Variants in SAMD11 observed in about 807,000 individuals in gnomAD.
The protein encoded by SAMD11 is sterile alpha motif domain containing 11, also known as sterile alpha motif domain-containing protein 11.
A neutral mutation model predicts 64.4 loss-of-function variants in SAMD11; 77 were observed. The ratio of observed to expected loss-of-function variants is 1.20; its 90% confidence interval spans 0.99 to 1.44. SAMD11 has a LOEUF of 1.44. Ranked by LOEUF, SAMD11 falls within the 40% of genes most tolerant of loss-of-function variation. The pLI, the probability that SAMD11 is intolerant of heterozygous loss-of-function variation, is 0.00. For missense variants in SAMD11, 1,402 were observed against 943.3 expected (o/e 1.49, Z -6.37); for synonymous variants, 658 against 421.9 (o/e 1.56, Z -6.86).
Position 944,372 on chromosome 1 carries a change from G to C in SAMD11, c.*219G>C. The C allele has an allele frequency of 7.4e-7, 1 of 1,358,466 alleles. No individual in the cohort carries two copies. The highest frequency in any genetic ancestry group is 2.7e-4 in the Middle Eastern group (1 of 3,722). 84.2% of individuals were successfully genotyped at this position (1,358,466 alleles called of 1,614,324 possible). A position where few individuals can be genotyped will look rare whatever the true frequency, so the allele number is the denominator to read the frequency against. On this transcript the variant is annotated 3_prime_UTR_variant, in exon 14 of 14. Coordinates refer to ENST00000616016, the MANE Select transcript of SAMD11 (RefSeq NM_001385641.1). ...GGACGAGGTCTGCAGACGGAGGGCA[G>C]AGGTGGTGGAAGGGGCCAGGGGCCT...
Position 927,904 on chromosome 1 carries a change from C to T in SAMD11, c.609+1891C>T, listed in dbSNP as rs188782610. ...GACCTGCCCTCCAGGTGCCTTGGGGCGTGGCTGGGGTGCCGGTGTGTCCCC... is the reference window on the plus strand; with the variant it reads ...GACCTGCCCTCCAGGTGCCTTGGGGTGTGGCTGGGGTGCCGGTGTGTCCCC... On this transcript the variant is annotated intron_variant, in intron 2 of 13. Coordinates refer to ENST00000616016, the MANE Select transcript of SAMD11 (RefSeq NM_001385641.1). Among the ~76,000 whole-genome samples, 16 of 152,374 alleles carry T rather than the reference C, an allele frequency of 1.1e-4. No homozygotes were observed. The East Asian group carries it at 1.4e-3, about 13-fold the overall frequency.
Position 944,094 on chromosome 1 carries a change from G to A in SAMD11, c.2476G>A (p.Glu826Lys), listed in dbSNP as rs1642001951. 2 of 1,612,194 alleles carry A rather than the reference G, an allele frequency of 1.2e-6. No individual in the cohort carries two copies. Among genetic ancestry groups the A allele is most frequent in the Non-Finnish European group, 8.5e-7 (1 of 1,179,720 alleles). ...TGCCGGTCAAACTTCACCCAAGCAG[G>A]AGAATGGGACCTTGGCTCTACTTCC... is the stretch of plus-strand genomic sequence containing the variant. Reference protein sequence around the residue: ...ALAGQTSPKQENGTLALLPGA... With the variant: ...ALAGQTSPKQKNGTLALLPGA... Residue 826 changes from glutamate (E) to lysine (K), a missense_variant, in exon 14 of 14, where the codon GAG (glutamate) becomes AAG (lysine). Coordinates refer to ENST00000616016, the MANE Select transcript of SAMD11 (RefSeq NM_001385641.1).
At position 942,831 on chromosome 1, in the gene SAMD11, A is replaced by G. The variant is rs1415006118; in HGVS notation, c.1826A>G (p.Glu609Gly). ...GPGPASARPSESKEMTGARLW... is the reference protein window; with the variant it reads ...GPGPASARPSGSKEMTGARLW... ...GGCCCTGCCTCAGCGCGGCCCAGCG[A>G]GTCCAAGGAGATGACGGGGGCTAGG... Residue 609 changes from glutamate to glycine, a missense_variant, in exon 11 of 14, where the codon GAG becomes GGG. Transcript: ENST00000616016. 2 of 1,550,440 alleles carry G rather than the reference A, an allele frequency of 1.3e-6. No homozygotes were observed. Among genetic ancestry groups the G allele is most frequent in the Admixed American group, 3.9e-5 (2 of 51,096 alleles).
At chr1:941,721 G>A (rs1003830058) in intron 8 of SAMD11, among the ~76,000 whole-genome samples, 6 of 152,148 alleles carry the variant, frequency 3.9e-5, no homozygotes, top group African/African-American at 7.2e-5. Flanking sequence ...TCCAGGACAC[G>A]AGGCGGGGCG....
At chr1:925,449 G>A (rs1205580137) in intron 1 of SAMD11, among the ~76,000 whole-genome samples, 2 of 151,818 alleles carry the variant, frequency 1.3e-5, no homozygotes, top group Non-Finnish European at 2.9e-5. Flanking sequence ...GCGACGCGGG[G>A]GCGCCTGAGC....
In SAMD11 at chr1:943,724, G is replaced by C. The variant is rs749587093; in HGVS notation, c.2205G>C (p.Gly735=). Residue 735 remains glycine, a synonymous_variant, in exon 13 of 14, where the codon GGG becomes GGC. Transcript: ENST00000616016. ...TCTTCAGGGAGCAGGGGATCGACGG[G>C]GAGACCCTGCCACTGCTGACGGAGG... The part of the protein sequence containing the change: ...TRVFREQGID[G]ETLPLLTEEH... 3.1e-6 allele frequency: 5 copies of C among 1,598,534 alleles called. No homozygotes were observed. Among genetic ancestry groups the C allele is most frequent in the Non-Finnish European group, 4.3e-6 (5 of 1,171,032 alleles).
At chr1:931,968 G>A (rs1360416511) in intron 4 of SAMD11, among the ~76,000 whole-genome samples, 2 of 152,202 alleles carry the variant, frequency 1.3e-5, no homozygotes, top group African/African-American at 4.8e-5. Flanking sequence ...GGAAGGAGGC[G>A]TCTGCCACAA....
chr1:944,142 C>A lies in SAMD11; in HGVS notation c.2524C>A (p.Pro842Thr), dbSNP rs1642005947. 1.9e-6 allele frequency: 3 copies of A among 1,571,906 alleles called. No individual in the cohort carries two copies. The highest frequency in any genetic ancestry group is 1.8e-5 in the Admixed American group (1 of 55,438). The change falls in exon 14 of 14, where the codon CCT (proline) becomes ACT (threonine). Residue 842 changes from proline to threonine, a missense_variant. Coordinates refer to ENST00000616016, the MANE Select transcript of SAMD11 (RefSeq NM_001385641.1). ...LLPGAPDPSQ[P>T]LC is the part of the protein sequence containing the mutation. ...TCCAGGGGCCCCCGACCCTTCCCAG[C>A]CTCTGTGTTGAGGTTGCCGGGGGTA...
At chr1:940,116 C>T (rs1382312929) in intron 7 of SAMD11, among the ~76,000 whole-genome samples, 1 of 152,180 alleles carries the variant, frequency 6.6e-6, no homozygotes, top group Non-Finnish European at 1.5e-5. Context: ...TTCCTCACAC[C>T]AGGCACCGTC....
rs1160057664 is a variant in SAMD11, at chr1:944,158, G to GC, written c.*7dup. 25 of 1,542,246 alleles carry GC rather than the reference G, an allele frequency of 1.6e-5. No individual in the cohort carries two copies. The highest frequency in any genetic ancestry group is 3.9e-5 in the Admixed American group (2 of 51,114). On this transcript the variant is annotated 3_prime_UTR_variant, in exon 14 of 14. Coordinates refer to ENST00000616016, the MANE Select transcript of SAMD11 (RefSeq NM_001385641.1). ...CCTTCCCAGCCTCTGTGTTGAGGTT[G>GC]CCGGGGGTAGGGGTGGGGCCACACA...
rs1393874331 is a variant in SAMD11 at position 943,293 on chromosome 1, A to C, written c.2094A>C (p.Pro698=). The C allele has an allele frequency of 1.9e-6, 3 of 1,612,696 alleles. No individual in the cohort carries two copies. The highest frequency in any genetic ancestry group is 2.2e-5 in the South Asian group (2 of 91,066). ...GGLSMDGEEA[P]APEDVTKWTV... Reference sequence around the variant, plus strand: ...TCTCCATGGATGGGGAGGAGGCCCCAGCCCCTGAGGACGTCACCAAGTGGA... The same window carrying C: ...TCTCCATGGATGGGGAGGAGGCCCCCGCCCCTGAGGACGTCACCAAGTGGA... The change falls in exon 12 of 14, where the codon CCA becomes CCC. Residue 698 remains proline (P), a synonymous_variant. Transcript: ENST00000616016.
Position 925,907 on chromosome 1 carries a change from C to A in SAMD11, c.518-15C>A. 1 of 1,590,894 alleles carries A rather than the reference C, an allele frequency of 6.3e-7. No individual in the cohort carries two copies. Among genetic ancestry groups the A allele is most frequent in the Non-Finnish European group, 8.6e-7 (1 of 1,162,320 alleles). ...TGCCGCTCCCTCACAGGGTCTGCCT[C>A]GGCTCTGCTCGCAGGGAAAAGTCTG... is the stretch of plus-strand genomic sequence containing the variant. On this transcript the variant is annotated splice_polypyrimidine_tract_variant and intron_variant, in intron 1 of 13. Coordinates refer to ENST00000616016, the MANE Select transcript of SAMD11 (RefSeq NM_001385641.1).
At position 942,933 on chromosome 1, in the gene SAMD11, G is replaced by A. The variant is rs536232323; in HGVS notation, c.1928G>A (p.Gly643Glu). Residue 643 changes from glycine to glutamate, a missense_variant, in exon 11 of 14, where the codon GGG (glycine) becomes GAG (glutamate). By Grantham distance (98) the Gly-to-Glu change is moderately conservative. Coordinates refer to ENST00000616016, the MANE Select transcript of SAMD11 (RefSeq NM_001385641.1). Reference protein sequence around the residue: ...DGEDPETAAVGCRGPTPGQAP... With the variant: ...DGEDPETAAVECRGPTPGQAP... ...GAGGACCCCGAGACGGCAGCTGTTG[G>A]GTGCAGGGGGCCCACTCCGGGCCAA... 5 of 1,552,060 alleles carry A rather than the reference G, an allele frequency of 3.2e-6. No homozygotes were observed. The East Asian group carries it at 9.5e-5, about 30-fold the overall frequency.
intron 4 of SAMD11, among the ~76,000 whole-genome samples, chr1:933,025 T>C (rs910766920): frequency 2.0e-5 from 3 of 151,728 alleles, no homozygotes; most frequent in Non-Finnish European, 4.4e-5. Flanking sequence ...CCCCTCCCCC[T>C]CTCCTTCCTG....
intron 12 of SAMD11, 143 bp from the exon 13 acceptor site, chr1:943,555 T>C: frequency 1.2e-6 from 1 of 804,384 alleles, no homozygotes; most frequent in Non-Finnish European, 1.8e-6. Flanking sequence ...TTTTGCCAGG[T>C]GTTTTCTGCC....
At chr1:942,272 C>A in intron 9 of SAMD11, 21 bp downstream of exon 9, 2 of 1,056,078 alleles carry the variant, frequency 1.9e-6, no homozygotes, top group Non-Finnish European at 2.5e-6. Context: ...GGGTGCGCAT[C>A]CCCTGGGAGC....
rs1272016530 is a variant in SAMD11 at position 943,282 on chromosome 1, G to A, written c.2083G>A (p.Glu695Lys). 6.2e-7 allele frequency: 1 copy of A among 1,612,692 alleles called. No individual in the cohort carries two copies. Among genetic ancestry groups the A allele is most frequent in the Admixed American group, 1.7e-5 (1 of 59,988 alleles). ...GGTAGGGGGACTCTCCATGGATGGGGAGGAGGCCCCAGCCCCTGAGGACGT... is the reference window on the plus strand; with the variant it reads ...GGTAGGGGGACTCTCCATGGATGGGAAGGAGGCCCCAGCCCCTGAGGACGT... The part of the protein sequence containing the change: ...GAVGGLSMDG[E>K]EAPAPEDVTK... Residue 695 changes from glutamate to lysine, a missense_variant, in exon 12 of 14, where the codon GAG (glutamate) becomes AAG (lysine). Physicochemically the swap from Glu to Lys is moderately conservative, Grantham distance 56. Coordinates refer to ENST00000616016, the MANE Select transcript of SAMD11 (RefSeq NM_001385641.1).
intron 2 of SAMD11, among the ~76,000 whole-genome samples, chr1:927,028 C>T (rs1360778894): frequency 6.6e-6 from 1 of 152,162 alleles, no homozygotes; most frequent in Non-Finnish European, 1.5e-5. Context: ...GCTGCAGACA[C>T]ACCTGTGAAG....
intron 9 of SAMD11, 31 bp from the exon 10 acceptor site, chr1:942,379 C>A (rs1641833326): frequency 1.5e-6 from 2 of 1,318,252 alleles, no homozygotes; most frequent in African/African-American, 1.5e-5. Context: ...CCTCGGACCC[C>A]CCGACCCCGC....
Sources: allele counts gnomAD v4.1 joint callset (sites outside exome capture counted in the v4.1 genomes callset), GRCh38; gene constraint gnomAD v4.1.1; transcripts MANE v1.5; gene names NCBI Gene and HGNC (gene_info 2026-07-23, HGNC 2026-07-21).